VWA3B: variants seen among roughly 807,000 people sequenced by gnomAD.
The protein encoded by VWA3B is von Willebrand factor A domain-containing protein 3B.
A neutral mutation model predicts 158.3 loss-of-function variants in VWA3B; 138 were observed. That is an observed-to-expected ratio of 0.87 (90% CI 0.76 to 1.00). VWA3B has a LOEUF of 1.00. Among genes scored for constraint, VWA3B ranks in the 50% least tolerant of loss-of-function variants. The pLI, the probability that VWA3B is intolerant of heterozygous loss-of-function variation, is 0.00. For synonymous variants in VWA3B, 596 were observed against 587.3 expected (o/e 1.01, Z -0.21); for missense variants, 1,555 against 1,565.1 (o/e 0.99, Z 0.11).
chr2:98,166,494 G>A (rs1273760702), intron 8 of VWA3B, among the ~76,000 whole-genome samples: 3 of 152,192 alleles, frequency 2.0e-5, no homozygotes, highest in Non-Finnish European at 4.4e-5. Flanking sequence ...GTCGTGTGCA[G>A]CACAGAGAGA....
At chr2:98,251,868 A>C (rs2105806434) in intron 20 of VWA3B, among the ~76,000 whole-genome samples, 2 of 152,150 alleles carry the variant, frequency 1.3e-5, no homozygotes, top group South Asian at 4.2e-4. Context: ...CCGCCTTACG[A>C]GGCTCCTCAG....
chr2:98,176,969 G>A (rs112691832), intron 8 of VWA3B, among the ~76,000 whole-genome samples: 31 of 152,260 alleles, frequency 2.0e-4, no homozygotes, highest in Non-Finnish European at 4.1e-4. Context: ...TGGGGCTAGC[G>A]TGGCAGGAAT....
chr2:98,109,832 T>C (rs901449572), intron 2 of VWA3B, among the ~76,000 whole-genome samples: 1 of 151,868 alleles, frequency 6.6e-6, no homozygotes, highest in Non-Finnish European at 1.5e-5. Context: ...ATTGTGCCCA[T>C]TCTTTCTGGC....
At chr2:98,181,462 G>A (rs1266943479) in intron 9 of VWA3B, among the ~76,000 whole-genome samples, 2 of 152,218 alleles carry the variant, frequency 1.3e-5, no homozygotes, top group Non-Finnish European at 2.9e-5. Context: ...GCTGGGTTTG[G>A]AGAAATCAGG....
Position 98,250,412 on chromosome 2 carries a change from A to AACAGGCAATTCAATCCTATG in VWA3B, c.2770_2789dup (p.Glu930AspfsTer11), listed in dbSNP as rs1472905937. The AACAGGCAATTCAATCCTATG allele has an allele frequency of 1.9e-6, 3 of 1,612,122 alleles. No individual in the cohort carries two copies. The highest frequency in any genetic ancestry group is 2.5e-6 in the Non-Finnish European group (3 of 1,179,320). The stretch of plus-strand genomic sequence containing the variant: ...CTCAATATCTACAAGCGAAAAGTGG[A>AACAGGCAATTCAATCCTATG]ACAGGCAATTCAATCCTATGAAAAG... On this transcript the variant is annotated frameshift_variant, in exon 20 of 28. Transcript: ENST00000477737. LOFTEE classifies it high-confidence loss of function.
intron 20 of VWA3B, among the ~76,000 whole-genome samples, chr2:98,251,860 G>A (rs548198876): frequency 6.6e-6 from 1 of 152,038 alleles, no homozygotes; most frequent in Non-Finnish European, 1.5e-5. Context: ...AGTGGAGGCC[G>A]CCTTACGAGG....
At chr2:98,135,087 A>G (rs1028351293) in intron 7 of VWA3B, among the ~76,000 whole-genome samples, 40 of 152,334 alleles carry the variant, frequency 2.6e-4, no homozygotes, top group African/African-American at 9.6e-4. Context: ...TGTCATGCCT[A>G]TTGAAAGTAA....
chr2:98,090,347 C>T (rs1682190542), intron 1 of VWA3B, among the ~76,000 whole-genome samples: 1 of 152,126 alleles, frequency 6.6e-6, no homozygotes, highest in African/African-American at 2.4e-5. Flanking sequence ...GAAAGTGGGT[C>T]TCATGAAACA....
chr2:98,273,400 A>G (rs1217117621), intron 22 of VWA3B, among the ~76,000 whole-genome samples: 1 of 152,202 alleles, frequency 6.6e-6, no homozygotes, highest in Non-Finnish European at 1.5e-5. Flanking sequence ...AGAAGGTCAT[A>G]TGTCTAGTAA....
intron 14 of VWA3B, among the ~76,000 whole-genome samples, chr2:98,224,782 A>G (rs1014328569): frequency 6.6e-6 from 1 of 151,722 alleles, no homozygotes; most frequent in South Asian, 2.1e-4. Flanking sequence ...CAACCAAACT[A>G]TGTGCTGCTT....
intron 8 of VWA3B, chr2:98,179,229 C>T (rs1680263641): frequency 2.1e-6 from 1 of 471,250 alleles, no homozygotes; most frequent in African/African-American, 2.0e-5. Context: ...CCCTGAGTAG[C>T]TCATTCTCCC....
At chr2:98,098,208 G>A (rs1682845213) in intron 2 of VWA3B, among the ~76,000 whole-genome samples, 1 of 152,056 alleles carries the variant, frequency 6.6e-6, no homozygotes, top group Non-Finnish European at 1.5e-5. Context: ...CTGTTGGGTA[G>A]AATGTTCTGT....
chr2:98,178,505 C>G (rs1680205823), intron 8 of VWA3B, among the ~76,000 whole-genome samples: 1 of 152,212 alleles, frequency 6.6e-6, no homozygotes, highest in South Asian at 2.1e-4. Context: ...TCTATATCCC[C>G]TTAAATATAG....
At position 98,162,953 on chromosome 2, in the gene VWA3B, CCGA is replaced by C. The variant is rs1440994457; in HGVS notation, c.1094_1096del (p.Asp365del). 6 of 1,614,148 alleles carry C rather than the reference CCGA, an allele frequency of 3.7e-6. No homozygotes were observed. Among genetic ancestry groups the C allele is most frequent in the Non-Finnish European group, 5.1e-6 (6 of 1,180,048 alleles). On this transcript the variant is annotated inframe_deletion, in exon 8 of 28. Coordinates refer to ENST00000477737, the MANE Select transcript of VWA3B (RefSeq NM_144992.5). ...AGGCTGGTGGCCGAGCCTCCCAAGCCCGACGTGGCCACTGTGGACTGCGGTTGG... is the reference window on the plus strand; with the variant it reads ...AGGCTGGTGGCCGAGCCTCCCAAGCCCGTGGCCACTGTGGACTGCGGTTGG...
intron 16 of VWA3B, among the ~76,000 whole-genome samples, chr2:98,232,987 G>A (rs773646529): frequency 3.3e-5 from 5 of 152,140 alleles, no homozygotes; most frequent in South Asian, 2.1e-4. Flanking sequence ...GGAAAGGGCC[G>A]CTAACTGGAG....
At chr2:98,182,331 C>T (rs541338699) in intron 9 of VWA3B, among the ~76,000 whole-genome samples, 12 of 152,358 alleles carry the variant, frequency 7.9e-5, no homozygotes, top group Non-Finnish European at 1.3e-4. Flanking sequence ...CTGAGCCCTA[C>T]ATGCCCTCCA....
chr2:98,124,540 A>G (rs1173370989), intron 5 of VWA3B, among the ~76,000 whole-genome samples: 1 of 152,220 alleles, frequency 6.6e-6, no homozygotes, highest in Non-Finnish European at 1.5e-5. Context: ...AAATGGGCTG[A>G]GACAGCAGAG....
intron 13 of VWA3B, among the ~76,000 whole-genome samples, chr2:98,212,983 C>T (rs1683661957): frequency 6.6e-6 from 1 of 152,106 alleles, no homozygotes; most frequent in Non-Finnish European, 1.5e-5. Context: ...CAGTTTAATA[C>T]AACACGGGAA....
At chr2:98,104,303 G>A (rs894512752) in intron 2 of VWA3B, among the ~76,000 whole-genome samples, 3 of 152,164 alleles carry the variant, frequency 2.0e-5, no homozygotes, top group African/African-American at 7.2e-5. Context: ...TATACAAGAA[G>A]CATGGTACCA....
Sources: gnomAD v4.1 joint callset for allele counts (sites outside exome capture counted in the v4.1 genomes callset) on GRCh38, gnomAD v4.1.1 for gene constraint, MANE v1.5 for transcripts, NCBI Gene and HGNC (gene_info 2026-07-23, HGNC 2026-07-21) for gene names.